The following BCHE variants were observed in gnomAD, a reference collection of about 807,000 sequenced individuals.
BCHE encodes cholinesterase.
Under a neutral mutation model 51.3 loss-of-function variants are expected in BCHE, and 48 were observed. The observed-to-expected ratio is 0.94, with a 90% CI of 0.74 to 1.19. The LOEUF (loss-of-function observed/expected upper bound fraction) is 1.19, where lower values mean the gene tolerates loss of function less well. Ranked by LOEUF, BCHE falls within the 50% of genes most tolerant of loss-of-function variation. The pLI is 0.00. For missense variants in BCHE, 847 were observed against 708.2 expected (o/e 1.20, Z -2.23); for synonymous variants, 251 against 238.0 (o/e 1.05, Z -0.50).
chr3:165,799,456 G>A (rs1264590451), intron 2 of BCHE, among the ~76,000 whole-genome samples: 2 of 152,000 alleles, frequency 1.3e-5, no homozygotes, highest in Admixed American at 1.3e-4. Context: ...ATTTAGTGAA[G>A]CTAAAATTTT....
At chr3:165,797,356 TCTTC>T (rs1217467431) in intron 2 of BCHE, among the ~76,000 whole-genome samples, 1 of 62,022 alleles carries the variant, frequency 1.6e-5, no homozygotes, top group Non-Finnish European at 3.2e-5. Context: ...GTCTCTCCTT[TCTTC>T]CTTCCTTCCT....
At chr3:165,814,069 A>G (rs1373154074) in intron 2 of BCHE, among the ~76,000 whole-genome samples, 1 of 152,036 alleles carries the variant, frequency 6.6e-6, no homozygotes, top group Non-Finnish European at 1.5e-5. Flanking sequence ...TATAGGTAGT[A>G]TCCCTCATAT....
At chr3:165,783,152 ATC>A (rs912129743) in intron 3 of BCHE, among the ~76,000 whole-genome samples, 1 of 152,080 alleles carries the variant, frequency 6.6e-6, no homozygotes, top group African/African-American at 2.4e-5. Context: ...TTCACTGAAA[ATC>A]TGTCTCCATC....
chr3:165,827,555 G>C (rs1370479969), intron 2 of BCHE, among the ~76,000 whole-genome samples: 4 of 151,816 alleles, frequency 2.6e-5, no homozygotes, highest in Non-Finnish European at 5.9e-5. Context: ...CTGATTCTTT[G>C]TGTTCTCCAT....
At chr3:165,776,558 T>A (rs959147457) in intron 3 of BCHE, among the ~76,000 whole-genome samples, 1 of 151,888 alleles carries the variant, frequency 6.6e-6, no homozygotes, top group Non-Finnish European at 1.5e-5. Flanking sequence ...AAGTGGAGGC[T>A]TGATACTAAA....
chr3:165,776,823 C>T (rs1712490459), intron 3 of BCHE, among the ~76,000 whole-genome samples: 1 of 151,224 alleles, frequency 6.6e-6, no homozygotes, highest in Non-Finnish European at 1.5e-5. Flanking sequence ...ATATAAAGTC[C>T]TCTTTATTCA....
chr3:165,802,384 G>C (rs1713685782), intron 2 of BCHE, among the ~76,000 whole-genome samples: 2 of 152,150 alleles, frequency 1.3e-5, no homozygotes, highest in South Asian at 4.1e-4. Flanking sequence ...TCCAGGCAGT[G>C]CTAAGATCTG....
chr3:165,795,141 TAA>T (rs1204223174), intron 2 of BCHE, among the ~76,000 whole-genome samples: 1 of 152,206 alleles, frequency 6.6e-6, no homozygotes, highest in African/African-American at 2.4e-5. Context: ...TCTCATGTGT[TAA>T]GTTAAAGAAA....
At position 165,781,830 on chromosome 3, in the gene BCHE, A is replaced by G. The variant is rs528648200; in HGVS notation, c.1684+4315T>C. Among the ~76,000 whole-genome samples, 627 of 152,310 alleles carry G rather than the reference A, an allele frequency of 4.1e-3. 3 individuals are homozygous for G. Among genetic ancestry groups the G allele is most frequent in the South Asian group, 0.011 (55 of 4,824 alleles). ...TAAAACAGTTAAAATCTGGCAGATT[A>G]TAAATTTTTATGTGGTATGAAAAAT... On this transcript the variant is annotated intron_variant, in intron 3 of 3. Transcript: ENST00000264381.
At chr3:165,817,309 C>G (rs1714347868) in intron 2 of BCHE, among the ~76,000 whole-genome samples, 1 of 151,972 alleles carries the variant, frequency 6.6e-6, no homozygotes. Flanking sequence ...CCTCCTAGTT[C>G]TTCTGTACAC....
chr3:165,834,244 T>C (rs1715104427), intron 1 of BCHE, among the ~76,000 whole-genome samples: 1 of 152,200 alleles, frequency 6.6e-6, no homozygotes, highest in South Asian at 2.1e-4. Context: ...AAATTTATTA[T>C]ATGTTGATAT....
At chr3:165,794,849 A>C (rs1225197162) in intron 2 of BCHE, among the ~76,000 whole-genome samples, 1 of 152,136 alleles carries the variant, frequency 6.6e-6, no homozygotes, top group Non-Finnish European at 1.5e-5. Flanking sequence ...AATATCATTT[A>C]TATAAAATTT....
intron 3 of BCHE, among the ~76,000 whole-genome samples, chr3:165,781,347 G>A (rs2108198444): frequency 6.6e-6 from 1 of 152,104 alleles, no homozygotes; most frequent in East Asian, 1.9e-4. Flanking sequence ...GCCTATCAGT[G>A]ATAGACTGGA....
At chr3:165,785,720 A>C (rs988248450) in intron 3 of BCHE, among the ~76,000 whole-genome samples, 19 of 151,506 alleles carry the variant, frequency 1.3e-4, no homozygotes, top group African/African-American at 4.4e-4. Context: ...ATTTAAATCA[A>C]GGTTCTATTA....
intron 2 of BCHE, among the ~76,000 whole-genome samples, chr3:165,802,673 T>C (rs993804188): frequency 6.6e-6 from 1 of 151,908 alleles, no homozygotes; most frequent in African/African-American, 2.4e-5. Flanking sequence ...TACAGAGATA[T>C]ACATTCATGA....
At chr3:165,824,260 G>A (rs1235903260) in intron 2 of BCHE, among the ~76,000 whole-genome samples, 1 of 151,758 alleles carries the variant, frequency 6.6e-6, no homozygotes, top group Non-Finnish European at 1.5e-5. Flanking sequence ...ATGCAAGATT[G>A]TTTTAATATA....
At chr3:165,809,718 C>T (rs1714019755) in intron 2 of BCHE, among the ~76,000 whole-genome samples, 1 of 152,002 alleles carries the variant, frequency 6.6e-6, no homozygotes, top group African/African-American at 2.4e-5. Context: ...ACAAGGGTAG[C>T]TTACTATCAT....
chr3:165,795,363 C>A (rs1713336492), intron 2 of BCHE, among the ~76,000 whole-genome samples: 1 of 152,086 alleles, frequency 6.6e-6, no homozygotes, highest in East Asian at 1.9e-4. Flanking sequence ...TCTTGACTTA[C>A]TATAGTTTGT....
chr3:165,773,011 A>T lies in BCHE; in HGVS notation c.*371T>A, dbSNP rs2108190885. 5.7e-6 allele frequency: 1 copy of T among 175,852 alleles called. No homozygotes were observed. The highest frequency in any genetic ancestry group is 1.3e-4 in the South Asian group (1 of 7,740). The allele number at this position is 175,852 out of a possible 1,614,324, so 10.9% of individuals were successfully genotyped here. ...TGTACAGTGTTTCAATATTTAATTC[A>T]TTTAAAAAAGATACCTTTTTACGAG... On this transcript the variant is annotated 3_prime_UTR_variant, in exon 4 of 4. Transcript: ENST00000264381.
Sources: allele counts gnomAD v4.1 joint callset (sites outside exome capture counted in the v4.1 genomes callset), GRCh38; gene constraint gnomAD v4.1.1; transcripts MANE v1.5; gene names NCBI Gene and HGNC (gene_info 2026-07-23, HGNC 2026-07-21).